NUP210L: variants seen among roughly 807,000 people sequenced by gnomAD.
NUP210L encodes the protein nucleoporin 210 like.
A neutral mutation model predicts 208.5 loss-of-function variants in NUP210L; 74 were observed. That is an observed-to-expected ratio of 0.35 (90% CI 0.29 to 0.43). NUP210L has a LOEUF of 0.43. Among genes scored for constraint, NUP210L ranks in the 20% least tolerant of loss-of-function variants. The pLI, the probability that NUP210L is intolerant of heterozygous loss-of-function variation, is 1.00. For synonymous variants in NUP210L, 780 were observed against 816.9 expected (o/e 0.95, Z 0.77); for missense variants, 1,843 against 2,289.4 (o/e 0.81, Z 3.98).
intron 30 of NUP210L, among the ~76,000 whole-genome samples, chr1:154,024,688 A>ATTTTTTTTTTTTTTTTTTTTTTTTTT (rs35432384): frequency 7.3e-6 from 1 of 136,500 alleles, no homozygotes; most frequent in Non-Finnish European, 1.6e-5. Flanking sequence ...AAGCCCGGCT[A>ATTTTTTTTTTTTTTTTTTTTTTTTTT]TTTTTTTTTT....
At chr1:154,068,113 C>T (rs553357090) in intron 17 of NUP210L, among the ~76,000 whole-genome samples, 1 of 152,184 alleles carries the variant, frequency 6.6e-6, no homozygotes, top group African/African-American at 2.4e-5. Context: ...CAAAAAAGAG[C>T]CCACATTGCC....
At chr1:154,057,121 G>C (rs1653910238) in intron 22 of NUP210L, among the ~76,000 whole-genome samples, 174 bp from the exon 23 acceptor site, 1 of 152,062 alleles carries the variant, frequency 6.6e-6, no homozygotes. Flanking sequence ...TGGGACTACA[G>C]GCACATACCA....
At chr1:154,145,138 C>T (rs1659052240) in intron 2 of NUP210L, among the ~76,000 whole-genome samples, 1 of 149,606 alleles carries the variant, frequency 6.7e-6, no homozygotes, top group Non-Finnish European at 1.5e-5. Context: ...TAAACATTGG[C>T]TGGGCGTGAT....
At chr1:154,066,065 C>T (rs535281727) in intron 17 of NUP210L, among the ~76,000 whole-genome samples, 8 of 152,166 alleles carry the variant, frequency 5.3e-5, no homozygotes, top group African/African-American at 1.9e-4. Flanking sequence ...TAAAGATGTT[C>T]TTTGAAATCA....
chr1:154,022,910 C>G lies in NUP210L; in HGVS notation c.4298+212G>C, dbSNP rs555990475. Reference sequence around the variant, plus strand: ...CAGGCTGGTCTCGAACTCCTGGGCCCAAGTGATCCTCCCTCCTCAGCCTCC... The same window carrying G: ...CAGGCTGGTCTCGAACTCCTGGGCCGAAGTGATCCTCCCTCCTCAGCCTCC... On this transcript the variant is annotated intron_variant, in intron 31 of 39. Transcript: ENST00000368559. Among the ~76,000 whole-genome samples, 16 of 152,038 alleles carry G rather than the reference C, an allele frequency of 1.1e-4. No homozygotes were observed. The South Asian group carries it at 3.3e-3, about 32-fold the overall frequency.
At chr1:154,054,111 C>T in intron 25 of NUP210L, 117 bp downstream of exon 25, 1 of 944,300 alleles carries the variant, frequency 1.1e-6, no homozygotes, top group Non-Finnish European at 1.6e-6. Context: ...CAGGTAGGGG[C>T]ACTCTAAGGC....
chr1:154,029,400 A>C (rs1571189114), intron 28 of NUP210L, among the ~76,000 whole-genome samples: 2 of 137,366 alleles, frequency 1.5e-5, no homozygotes, highest in African/African-American at 2.7e-5. Context: ...AAAAAAAAAA[A>C]ACCACAAAAA....
chr1:154,036,590 C>T (rs1652568128), intron 27 of NUP210L, among the ~76,000 whole-genome samples: 1 of 151,482 alleles, frequency 6.6e-6, no homozygotes. Context: ...GTCTCAAACT[C>T]CTGACCTCAA....
At chr1:154,013,345 G>A (rs920957372) in intron 33 of NUP210L, among the ~76,000 whole-genome samples, 4 of 152,142 alleles carry the variant, frequency 2.6e-5, no homozygotes, top group African/African-American at 4.8e-5. Context: ...AGGCTGAGGC[G>A]GGTGGATCAC....
In NUP210L at chr1:154,071,627, CTTTTTTTTT is replaced by C. The variant is rs893742878; in HGVS notation, c.2362-1171_2362-1163del. The stretch of plus-strand genomic sequence containing the variant: ...TGCTGCAAATACCATCAATTCATTC[CTTTTTTTTT>C]TTTTTTTTTTTTTTTTTGAGATAGA... On this transcript the variant is annotated intron_variant, in intron 16 of 39. Transcript: ENST00000368559. 4.7e-4 allele frequency among the ~76,000 whole-genome samples: 47 copies of C among 99,800 alleles called. 1 individual carries two copies. The highest frequency in any genetic ancestry group is 3.8e-3 in the East Asian group (11 of 2,918). The allele number at this position is 99,800 out of a possible 152,430, so 65.5% of individuals were successfully genotyped here.
intron 35 of NUP210L, among the ~76,000 whole-genome samples, chr1:154,008,686 A>G (rs1650715617): frequency 6.6e-6 from 1 of 152,162 alleles, no homozygotes; most frequent in Non-Finnish European, 1.5e-5. Context: ...AGTCTGGGAG[A>G]CAGAGTGAGG....
chr1:153,993,312 A>G (rs1355208247), intron 38 of NUP210L, among the ~76,000 whole-genome samples: 1 of 152,210 alleles, frequency 6.6e-6, no homozygotes, highest in African/African-American at 2.4e-5. Flanking sequence ...CACGCCTGTA[A>G]TCGCAGCATT....
At chr1:154,055,798 A>T (rs1214021482) in intron 23 of NUP210L, among the ~76,000 whole-genome samples, 2 of 152,258 alleles carry the variant, frequency 1.3e-5, no homozygotes, top group African/African-American at 4.8e-5. Flanking sequence ...AAAAGTATTT[A>T]AGTAGGAATA....
rs559911709 is a variant in NUP210L, at chr1:154,024,970, C to G, written c.4122+572G>C. Among the ~76,000 whole-genome samples, 25 of 142,022 alleles carry G rather than the reference C, an allele frequency of 1.8e-4. 1 individual carries two copies. Among genetic ancestry groups the G allele is most frequent in the African/African-American group, 6.7e-4 (25 of 37,462 alleles). The allele number at this position is 142,022 out of a possible 152,430, so 93.2% of individuals were successfully genotyped here. A position where few individuals can be genotyped will look rare whatever the true frequency, so the allele number is the denominator to read the frequency against. Reference sequence around the variant, plus strand: ...TTTGAGATGGAGTCTTGCTGTCGCCCAGGTTGGAGTGCAGTGGCGTGATCT... The same window carrying G: ...TTTGAGATGGAGTCTTGCTGTCGCCGAGGTTGGAGTGCAGTGGCGTGATCT... On this transcript the variant is annotated intron_variant, in intron 30 of 39. Transcript: ENST00000368559.
At position 154,058,075 on chromosome 1, in the gene NUP210L, G is replaced by A. The variant is rs777114586; in HGVS notation, c.3107+14C>T. ...ATATGCAGAGTGGGAAGGAAGTATT[G>A]AAATGGTACTTACGTCAGGGTGACA... On this transcript the variant is annotated intron_variant, in intron 22 of 39. Coordinates refer to ENST00000368559, the Ensembl canonical transcript of NUP210L. 3 of 1,613,800 alleles carry A rather than the reference G, an allele frequency of 1.9e-6. No homozygotes were observed. The South Asian group carries it at 3.3e-5, about 18-fold the overall frequency.
At chr1:154,094,024 C>T (rs554410410) in intron 15 of NUP210L, among the ~76,000 whole-genome samples, 1 of 152,268 alleles carries the variant, frequency 6.6e-6, no homozygotes, top group African/African-American at 2.4e-5. Context: ...TTGCTCACGC[C>T]TGTAATCCTA....
chr1:154,010,655 G>A (rs1650853040), intron 34 of NUP210L, among the ~76,000 whole-genome samples: 1 of 152,112 alleles, frequency 6.6e-6, no homozygotes, highest in Non-Finnish European at 1.5e-5. Context: ...CGGATCACCT[G>A]AGGTTGGGAG....
In NUP210L at chr1:154,152,874, T is replaced by G; in HGVS notation, c.204-2A>C. 1.2e-6 allele frequency: 2 copies of G among 1,613,872 alleles called. No homozygotes were observed. Among genetic ancestry groups the G allele is most frequent in the Non-Finnish European group, 1.7e-6 (2 of 1,179,786 alleles). Reference sequence around the variant, plus strand: ...ACTGCATCATGATGGGTGGAATGCCTGCCAGAACAAAATTCTTAAGAGTGT... The same window carrying G: ...ACTGCATCATGATGGGTGGAATGCCGGCCAGAACAAAATTCTTAAGAGTGT... On this transcript the variant is annotated splice_acceptor_variant, in intron 1 of 39. Coordinates refer to ENST00000368559, the Ensembl canonical transcript of NUP210L. LOFTEE classifies it high-confidence loss of function.
chr1:154,096,039 G>C (rs1330227723), intron 14 of NUP210L, among the ~76,000 whole-genome samples: 1 of 152,036 alleles, frequency 6.6e-6, no homozygotes, highest in Non-Finnish European at 1.5e-5. Flanking sequence ...GTGGTTTGCT[G>C]CACCCATCAA....
Sources: allele counts gnomAD v4.1 joint callset (sites outside exome capture counted in the v4.1 genomes callset), GRCh38; gene constraint gnomAD v4.1.1; transcripts MANE v1.5; gene names NCBI Gene and HGNC (gene_info 2026-07-23, HGNC 2026-07-21).